Variants in PPP2R2D observed in about 807,000 individuals in gnomAD.
PPP2R2D encodes serine/threonine-protein phosphatase 2A 55 kDa regulatory subunit B delta isoform.
In PPP2R2D, 9 loss-of-function variants were observed where a neutral mutation model predicts 31.1. That is an observed-to-expected ratio of 0.29 (90% CI 0.17 to 0.51). The LOEUF is 0.51. Ranked by LOEUF, PPP2R2D falls within the 20% of genes least tolerant of loss-of-function variation. PPP2R2D has a pLI of 0.98. For missense variants in PPP2R2D, 391 were observed against 465.6 expected (o/e 0.84, Z 1.48); for synonymous variants, 179 against 172.6 (o/e 1.04, Z -0.29).
At chr10:131,921,893 C>G (rs2119817160) in intron 2 of PPP2R2D, among the ~76,000 whole-genome samples, 1 of 152,190 alleles carries the variant, frequency 6.6e-6, no homozygotes, top group East Asian at 1.9e-4. Flanking sequence ...CATAAAATTG[C>G]CTAGGAGTAA....
chr10:131,970,529 G>T, the PPP2R2D span: 2 of 1,417,880 alleles, frequency 1.4e-6, no homozygotes, highest in Non-Finnish European at 9.5e-7. The surrounding 1 kb of genome is among the most constrained non-coding windows in gnomAD (Gnocchi z 4.1). Context: ...AATGCACCAA[G>T]CTGTAACTGA....
At position 131,937,988 on chromosome 10, in the gene PPP2R2D, A is replaced by T. The variant is rs188762513; in HGVS notation, c.199-2043A>T. Among the ~76,000 whole-genome samples the T allele has an allele frequency of 3.6e-4, 53 of 149,044 alleles. No homozygotes were observed. In the South Asian group the frequency reaches 6.2e-3, roughly 18 times the overall value. Reference sequence around the variant, plus strand: ...GGAATGCAGGAATGCCCTGCCTGTCAGACTCAGTGCGGCGGACAGGGGCAG... The same window carrying T: ...GGAATGCAGGAATGCCCTGCCTGTCTGACTCAGTGCGGCGGACAGGGGCAG... On this transcript the variant is annotated intron_variant, in intron 3 of 8. Coordinates refer to ENST00000455566, the MANE Select transcript of PPP2R2D (RefSeq NM_018461.5).
intron 2 of PPP2R2D, among the ~76,000 whole-genome samples, chr10:131,915,491 A>C (rs771342352): frequency 1.2e-4 from 18 of 152,208 alleles, no homozygotes; most frequent in Non-Finnish European, 2.4e-4. Context: ...TTTTGAAGAG[A>C]TGAAGGCTAC....
chr10:131,954,576 G>A (rs1554899616), intron 8 of PPP2R2D, among the ~76,000 whole-genome samples: 2 of 152,186 alleles, frequency 1.3e-5, no homozygotes, highest in East Asian at 3.8e-4. Context: ...ATGGAAGCAG[G>A]AGATGGGAAA....
rs559886785 is a variant in PPP2R2D, at chr10:131,956,722, A to G, written c.*759A>G. ...CGCTGTGTTTCTGTAGAAGTAGCCC[A>G]TCAGATACACCAGGTAAGGTCTGGG... On this transcript the variant is annotated 3_prime_UTR_variant, in exon 9 of 9. Transcript: ENST00000455566. 4 of 332,724 alleles carry G rather than the reference A, an allele frequency of 1.2e-5. No individual in the cohort carries two copies. Among genetic ancestry groups the G allele is most frequent in the Non-Finnish European group, 1.7e-5 (4 of 233,322 alleles). 20.6% of individuals were successfully genotyped at this position (332,724 alleles called of 1,614,324 possible). A position where few individuals can be genotyped will look rare whatever the true frequency, so the allele number is the denominator to read the frequency against.
At chr10:131,903,466 CAAAAAAAAA>C (rs1175160035) in intron 2 of PPP2R2D, among the ~76,000 whole-genome samples, 2 of 74,434 alleles carry the variant, frequency 2.7e-5, no homozygotes, top group African/African-American at 1.0e-4. Context: ...GGCTCCATCT[CAAAAAAAAA>C]AAAAAAAAAA....
At chr10:131,946,731 C>A (rs561946495) in intron 7 of PPP2R2D, among the ~76,000 whole-genome samples, 2 of 152,140 alleles carry the variant, frequency 1.3e-5, no homozygotes, top group Non-Finnish European at 2.9e-5. Flanking sequence ...CAAACACAGG[C>A]TCCTGCATCA....
chr10:131,940,783 GTACTGTGAGGTC>G (rs2036427820), intron 5 of PPP2R2D, 89 bp downstream of exon 5: 3 of 656,966 alleles, frequency 4.6e-6, no homozygotes, highest in Admixed American at 2.6e-5. Flanking sequence ...GCGCGGTGGA[GTACTGTGAGGTC>G]TGCTGTGAGG....
At chr10:131,937,338 G>A (rs529552844) in intron 3 of PPP2R2D, among the ~76,000 whole-genome samples, 1 of 152,350 alleles carries the variant, frequency 6.6e-6, no homozygotes, top group East Asian at 1.9e-4. Flanking sequence ...GGGTGTGGCT[G>A]TGCGGCCCAC....
chr10:131,917,586 G>T lies in PPP2R2D; in HGVS notation c.100+16256G>T, dbSNP rs556282962. Among the ~76,000 whole-genome samples the T allele has an allele frequency of 3.9e-4, 47 of 121,310 alleles. 4 individuals are homozygous for T. Among genetic ancestry groups the T allele is most frequent in the African/African-American group, 1.3e-3 (41 of 31,416 alleles). The allele number at this position is 121,310 out of a possible 152,430, so 79.6% of individuals were successfully genotyped here. A position where few individuals can be genotyped will look rare whatever the true frequency, so the allele number is the denominator to read the frequency against. On this transcript the variant is annotated intron_variant, in intron 2 of 8. Coordinates refer to ENST00000455566, the MANE Select transcript of PPP2R2D (RefSeq NM_018461.5). Reference sequence around the variant, plus strand: ...GGGACCTCAGGCGGGTGGAATGACAGTGTTTGTAGGGACCTCACGTGGGTG... The same window carrying T: ...GGGACCTCAGGCGGGTGGAATGACATTGTTTGTAGGGACCTCACGTGGGTG...
intron 2 of PPP2R2D, 59 bp from the exon 3 acceptor site, chr10:131,934,399 G>A (rs1554896139): frequency 2.8e-6 from 2 of 721,918 alleles, no homozygotes; most frequent in Non-Finnish European, 5.1e-6. Flanking sequence ...TAATTTTTTG[G>A]TATTGTGACT....
chr10:131,951,819 C>CA (rs1313099092), intron 8 of PPP2R2D, among the ~76,000 whole-genome samples: 29 of 147,240 alleles, frequency 2.0e-4, no homozygotes, highest in Admixed American at 4.7e-4. Flanking sequence ...GACTCTGTCT[C>CA]AAAAAAAAAC....
At chr10:131,917,176 C>G (rs1201167023) in intron 2 of PPP2R2D, among the ~76,000 whole-genome samples, 4 of 126,442 alleles carry the variant, frequency 3.2e-5, no homozygotes, top group East Asian at 3.1e-4. Flanking sequence ...TGGAATGACA[C>G]AGCGTTTGTA....
At chr10:131,964,664 ATGTTTTTTTTTT>A (rs2036957578), downstream of PPP2R2D, among the ~76,000 whole-genome samples, 1 of 126,752 alleles carries the variant, frequency 7.9e-6, no homozygotes, top group Non-Finnish European at 1.6e-5. Flanking sequence ...AGAGTTTACT[ATGTTTTTTTTTT>A]TTTTTTTTTG....
chr10:131,905,694 C>T (rs1413578978), intron 2 of PPP2R2D, among the ~76,000 whole-genome samples: 5 of 152,152 alleles, frequency 3.3e-5, no homozygotes, highest in Admixed American at 6.5e-5. Flanking sequence ...ATGCAGAATC[C>T]GAGGCGTGGG....
the PPP2R2D span, chr10:131,971,229 A>G: frequency 2.1e-6 from 1 of 487,254 alleles, no homozygotes. Flanking sequence ...GCGTAAATAC[A>G]TTTGGTTCAC....
chr10:131,934,321 G>C, intron 2 of PPP2R2D, 137 bp from the exon 3 acceptor site: 1 of 604,384 alleles, frequency 1.7e-6, no homozygotes, highest in Non-Finnish European at 3.0e-6. Flanking sequence ...TTACAAGTTT[G>C]CCAAGACAGT....
the PPP2R2D span, chr10:131,970,906 C>A: frequency 6.2e-7 from 1 of 1,614,244 alleles, no homozygotes; most frequent in East Asian, 2.2e-5. The surrounding 1 kb of genome is among the most constrained non-coding windows in gnomAD (Gnocchi z 4.1). Context: ...ATCCCATATC[C>A]AATCTGAGTT....
intron 2 of PPP2R2D, 78 bp from the exon 3 acceptor site, chr10:131,934,380 C>CT: frequency 1.4e-6 from 1 of 706,646 alleles, no homozygotes; most frequent in South Asian, 1.6e-5. Context: ...TCCTTTTGCT[C>CT]TTTTTTATTA....
Sources: gnomAD v4.1 joint callset for allele counts (sites outside exome capture counted in the v4.1 genomes callset) on GRCh38, gnomAD v4.1.1 for gene constraint, Gnocchi (gnomAD v3.1) non-coding constraint, MANE v1.5 for transcripts, NCBI Gene and HGNC (gene_info 2026-07-23, HGNC 2026-07-21) for gene names.